PPP1R12B: variants seen among roughly 807,000 people sequenced by gnomAD.
The protein encoded by PPP1R12B is protein phosphatase 1 regulatory subunit 12B.
Under a neutral mutation model 126.1 loss-of-function variants are expected in PPP1R12B, and 76 were observed. That is an observed-to-expected ratio of 0.60 (90% CI 0.50 to 0.73). The LOEUF (loss-of-function observed/expected upper bound fraction) is 0.73. Among genes scored for constraint, PPP1R12B ranks in the 30% least tolerant of loss-of-function variants. The pLI, the probability that PPP1R12B is intolerant of heterozygous loss-of-function variation, is 0.00. For missense variants in PPP1R12B, 1,052 were observed against 1,205.1 expected (o/e 0.87, Z 1.88); for synonymous variants, 356 against 434.7 (o/e 0.82, Z 2.25).
chr1:202,441,879 C>CA (rs535323452), intron 11 of PPP1R12B, among the ~76,000 whole-genome samples: 2 of 151,500 alleles, frequency 1.3e-5, no homozygotes. Flanking sequence ...TTTTTTGAGA[C>CA]AAAGTCTCAC....
In PPP1R12B at chr1:202,427,081, A is replaced by T. The variant is rs529650757; in HGVS notation, c.743A>T (p.Tyr248Phe). The T allele has an allele frequency of 6.2e-7, 1 of 1,614,134 alleles. No individual in the cohort carries two copies. Among genetic ancestry groups the T allele is most frequent in the Admixed American group, 1.7e-5 (1 of 59,986 alleles). Residue 248 changes from tyrosine (Y) to phenylalanine (F), a missense_variant, in exon 5 of 24, where the codon TAT becomes TTT. Transcript: ENST00000608999. ...GGCTATGAACTCAATGTTCAGGATT[A>T]TGATGGCTGGACTCCCCTCCATGCT... ...QAGYELNVQD[Y>F]DGWTPLHAAA... is the part of the protein sequence containing the mutation.
At chr1:202,439,251 G>A in intron 10 of PPP1R12B, 1 of 1,383,920 alleles carries the variant, frequency 7.2e-7, no homozygotes, top group Non-Finnish European at 1.0e-6. Flanking sequence ...CAATATCAAG[G>A]CTGTCCTCCA....
At chr1:202,371,001 C>CTTTT (rs774584500) in intron 1 of PPP1R12B, among the ~76,000 whole-genome samples, 58 of 109,140 alleles carry the variant, frequency 5.3e-4, no homozygotes, top group East Asian at 1.1e-3. Flanking sequence ...TGCTCCACAT[C>CTTTT]TTTTTTTTTT....
intron 18 of PPP1R12B, among the ~76,000 whole-genome samples, chr1:202,535,852 GA>G (rs1027794443): frequency 1.4e-4 from 22 of 152,186 alleles, no homozygotes; most frequent in African/African-American, 4.6e-4. Context: ...TGGCTGGGTT[GA>G]AAAAAATTAA....
intron 12 of PPP1R12B, among the ~76,000 whole-genome samples, chr1:202,446,398 C>A (rs1572064221): frequency 6.8e-6 from 1 of 147,616 alleles, no homozygotes; most frequent in South Asian, 2.1e-4. Context: ...GGACTACAGG[C>A]GCATGCCACC....
At chr1:202,414,109 A>T (rs535903533) in intron 1 of PPP1R12B, among the ~76,000 whole-genome samples, 1 of 152,150 alleles carries the variant, frequency 6.6e-6, no homozygotes, top group Non-Finnish European at 1.5e-5. Flanking sequence ...TTTAGTAGAG[A>T]TGAGGTTTCA....
Position 202,427,113 on chromosome 1 carries a change from C to A in PPP1R12B, c.775C>A (p.His259Asn). The A allele has an allele frequency of 1.2e-6, 2 of 1,614,192 alleles. No individual in the cohort carries two copies. Among genetic ancestry groups the A allele is most frequent in the Non-Finnish European group, 1.7e-6 (2 of 1,180,034 alleles). ...DGWTPLHAAA[H>N]WGVKEACSIL... ...CTGGACTCCCCTCCATGCTGCTGCA[C>A]ACTGGGGAGTGAAGGAGGCTTGCTC... Residue 259 changes from histidine (H) to asparagine (N), a missense_variant, in exon 5 of 24, where the codon CAC (histidine) becomes AAC (asparagine). Coordinates refer to ENST00000608999, the MANE Select transcript of PPP1R12B (RefSeq NM_002481.4).
intron 12 of PPP1R12B, among the ~76,000 whole-genome samples, chr1:202,447,027 C>A (rs1187112760): frequency 3.9e-5 from 6 of 152,110 alleles, no homozygotes; most frequent in African/African-American, 1.4e-4. Flanking sequence ...AGAATTTTCC[C>A]AGAAGTACTA....
chr1:202,404,133 A>G (rs1666242120), intron 1 of PPP1R12B, among the ~76,000 whole-genome samples: 1 of 151,688 alleles, frequency 6.6e-6, no homozygotes, highest in South Asian at 2.1e-4. Flanking sequence ...AAACCTCAAT[A>G]CCTCCCTGTT....
chr1:202,450,528 A>T (rs1266006088), intron 13 of PPP1R12B, among the ~76,000 whole-genome samples: 1 of 152,228 alleles, frequency 6.6e-6, no homozygotes, highest in Admixed American at 6.5e-5. Context: ...GACCAGGTGA[A>T]ATCTTATCAA....
chr1:202,423,000 C>T (rs1429397982), intron 3 of PPP1R12B, among the ~76,000 whole-genome samples: 1 of 152,066 alleles, frequency 6.6e-6, no homozygotes, highest in Non-Finnish European at 1.5e-5. Flanking sequence ...TTAAGAGTGA[C>T]CTGATGAGGA....
rs78329849 is a variant in PPP1R12B at position 202,563,187 on chromosome 1, G to A, written c.2652+265G>A. ...GCTAAAGCGCAGTGGTGCAATCATA[G>A]GTAACTTCCCTCTCAAACTCCTGGG... On this transcript the variant is annotated intron_variant, in intron 20 of 23. Coordinates refer to ENST00000608999, the MANE Select transcript of PPP1R12B (RefSeq NM_002481.4). 7.0e-3 allele frequency among the ~76,000 whole-genome samples: 1,065 copies of A among 152,288 alleles called. 17 individuals are homozygous for A. The highest frequency in any genetic ancestry group is 0.024 in the African/African-American group (997 of 41,546).
At chr1:202,472,939 G>A (rs919208681) in intron 13 of PPP1R12B, among the ~76,000 whole-genome samples, 1 of 152,170 alleles carries the variant, frequency 6.6e-6, no homozygotes, top group African/African-American at 2.4e-5. Context: ...CAACAGAGCT[G>A]TTGAGTAGGC....
At chr1:202,360,270 T>C (rs1219350477) in intron 1 of PPP1R12B, among the ~76,000 whole-genome samples, 3 of 152,218 alleles carry the variant, frequency 2.0e-5, no homozygotes, top group Non-Finnish European at 4.4e-5. Flanking sequence ...TTAGTGGCCA[T>C]TGATGGCCTG....
intron 11 of PPP1R12B, 25 bp downstream of exon 11, chr1:202,440,813 T>C (rs779941764): frequency 6.3e-7 from 1 of 1,582,132 alleles, no homozygotes; most frequent in Non-Finnish European, 8.7e-7. Flanking sequence ...AGCCAAAAGA[T>C]GGTCCTCATC....
chr1:202,419,356 G>GC lies in PPP1R12B; in HGVS notation c.422+2441dup, dbSNP rs1668477028. ...GTGTTGAGTTAGGAAGGACAAGAAG[G>GC]CCTTATTTTCTAGGGGCATATTTAT... On this transcript the variant is annotated intron_variant, in intron 2 of 23. Coordinates refer to ENST00000608999, the MANE Select transcript of PPP1R12B (RefSeq NM_002481.4). The surrounding 1 kb of genome is among the most constrained non-coding windows in gnomAD (Gnocchi z 4.6). 6.6e-6 allele frequency among the ~76,000 whole-genome samples: 1 copy of GC among 152,112 alleles called. No homozygotes were observed. The highest frequency in any genetic ancestry group is 1.5e-5 in the Non-Finnish European group (1 of 68,012).
At chr1:202,438,236 A>G (rs780243986) in intron 10 of PPP1R12B, 2 of 1,577,196 alleles carry the variant, frequency 1.3e-6, no homozygotes, top group South Asian at 2.3e-5. Flanking sequence ...AAAAAGCTTT[A>G]AAAATAGCTT....
rs386369339 is a variant in PPP1R12B at position 202,378,247 on chromosome 1, CTTTT to C, written c.291+29123_291+29126del. On this transcript the variant is annotated intron_variant, in intron 1 of 23. Coordinates refer to ENST00000608999, the MANE Select transcript of PPP1R12B (RefSeq NM_002481.4). ...TAAAATGCCTCAAGTTGTCTTCATTCTTTTTTTTTTTTTTTTTTTTTGGTCTTTA... is the reference window on the plus strand; with the variant it reads ...TAAAATGCCTCAAGTTGTCTTCATTCTTTTTTTTTTTTTTTTTGGTCTTTA... Among the ~76,000 whole-genome samples the C allele has an allele frequency of 8.6e-5, 8 of 93,364 alleles. No individual in the cohort carries two copies. In the East Asian group the frequency reaches 1.1e-3, roughly 13 times the overall value. The allele number at this position is 93,364 out of a possible 152,430, so 61.3% of individuals were successfully genotyped here. A position where few individuals can be genotyped will look rare whatever the true frequency, so the allele number is the denominator to read the frequency against.
At chr1:202,454,216 A>G (rs531608430) in intron 13 of PPP1R12B, among the ~76,000 whole-genome samples, 5 of 152,244 alleles carry the variant, frequency 3.3e-5, no homozygotes, top group Non-Finnish European at 7.3e-5. Context: ...GTTGTAACCT[A>G]CAATCAATAA....
Sources: gnomAD v4.1 joint callset for allele counts (sites outside exome capture counted in the v4.1 genomes callset) on GRCh38, gnomAD v4.1.1 for gene constraint, Gnocchi (gnomAD v3.1) non-coding constraint, MANE v1.5 for transcripts, NCBI Gene and HGNC (gene_info 2026-07-23, HGNC 2026-07-21) for gene names.